ROR1: variants seen among roughly 807,000 people sequenced by gnomAD.
ROR1 encodes inactive tyrosine-protein kinase transmembrane receptor ROR1.
A neutral mutation model predicts 78.8 loss-of-function variants in ROR1; 19 were observed. That is an observed-to-expected ratio of 0.24 (90% CI 0.17 to 0.35). The LOEUF (loss-of-function observed/expected upper bound fraction) is 0.35. ROR1 is among the 10% of genes least tolerant of loss of function. ROR1 has a pLI of 1.00. For synonymous variants in ROR1, 386 were observed against 433.6 expected, an observed-to-expected ratio of 0.89 and a Z score of 1.36; for missense variants, 917 against 1,177.8, an observed-to-expected ratio of 0.78 and a Z score of 3.24.
intron 1 of ROR1, among the ~76,000 whole-genome samples, chr1:63,785,495 TA>T (rs1202128663): frequency 7.9e-6 from 1 of 127,024 alleles, no homozygotes. Context: ...TATATATATA[TA>T]TTTTATTTAT....
At chr1:64,116,399 A>G (rs559037140) in intron 4 of ROR1, among the ~76,000 whole-genome samples, 9 of 152,310 alleles carry the variant, frequency 5.9e-5, no homozygotes, top group Non-Finnish European at 8.8e-5. Flanking sequence ...AAGCTTTACT[A>G]CTTGGACTTT....
intron 1 of ROR1, among the ~76,000 whole-genome samples, chr1:64,006,016 T>C (rs779523105): frequency 1.3e-5 from 2 of 152,154 alleles, no homozygotes; most frequent in African/African-American, 4.8e-5. Flanking sequence ...CAGGGACACG[T>C]GGGGAACAAT....
intron 4 of ROR1, among the ~76,000 whole-genome samples, chr1:64,056,193 A>G (rs1347064849): frequency 6.6e-6 from 1 of 152,154 alleles, no homozygotes; most frequent in African/African-American, 2.4e-5. Flanking sequence ...ATATACCTAG[A>G]AATAGAATTC....
chr1:64,040,954 A>G (rs1287168521), intron 2 of ROR1, among the ~76,000 whole-genome samples: 1 of 152,284 alleles, frequency 6.6e-6, no homozygotes, highest in African/African-American at 2.4e-5. Context: ...AAAAATAAAG[A>G]CTGGTAAAAA....
At chr1:64,062,211 T>C (rs1248360617) in intron 4 of ROR1, among the ~76,000 whole-genome samples, 5 of 152,222 alleles carry the variant, frequency 3.3e-5, no homozygotes, top group East Asian at 1.9e-4. Flanking sequence ...TGACTGCCTG[T>C]GTTTTGAATT....
At chr1:64,088,420 G>A (rs1011378479) in intron 4 of ROR1, among the ~76,000 whole-genome samples, 3 of 152,026 alleles carry the variant, frequency 2.0e-5, no homozygotes, top group African/African-American at 7.2e-5. Context: ...TTCCACAAAT[G>A]TTTTCTAATA....
rs377033175 is a variant in ROR1, at chr1:63,799,494, G to C, written c.91+24986G>C. On this transcript the variant is annotated intron_variant, in intron 1 of 8. Transcript: ENST00000371079. ...GCCTGTCATAGTGTCTGTATGGCTG[G>C]TTGCTAATCACAGTGTATTTCAGGA... Among the ~76,000 whole-genome samples, 5 of 152,276 alleles carry C rather than the reference G, an allele frequency of 3.3e-5. No homozygotes were observed. The East Asian group carries it at 5.8e-4, about 18-fold the overall frequency.
chr1:63,919,575 C>A (rs1569910465), intron 1 of ROR1, among the ~76,000 whole-genome samples: 1 of 149,876 alleles, frequency 6.7e-6, no homozygotes, highest in South Asian at 2.1e-4. Context: ...GAAACTTACA[C>A]AGAGACAGCA....
chr1:64,177,344 A>G (rs1650409761), intron 8 of ROR1, 84 bp from the exon 9 acceptor site: 9 of 993,282 alleles, frequency 9.1e-6, no homozygotes, highest in East Asian at 4.8e-5. Flanking sequence ...ACCTTTTTCT[A>G]TATGCCCCGT....
chr1:63,862,253 G>A (rs1569833089), intron 1 of ROR1, among the ~76,000 whole-genome samples: 1 of 151,850 alleles, frequency 6.6e-6, no homozygotes, highest in Non-Finnish European at 1.5e-5. Context: ...AATTAGCCAG[G>A]TATGGTGGCA....
chr1:63,917,747 T>A (rs1182994051), intron 1 of ROR1, among the ~76,000 whole-genome samples: 1 of 152,128 alleles, frequency 6.6e-6, no homozygotes, highest in Non-Finnish European at 1.5e-5. Context: ...CCACAGGAAA[T>A]GACTGTGGTT....
intron 7 of ROR1, among the ~76,000 whole-genome samples, chr1:64,154,770 G>A (rs4556402): frequency 0.27 from 41,255 of 152,084 alleles, 5,876 homozygotes; most frequent in East Asian, 0.36. Context: ...TTAACTTGAT[G>A]TAACTAATAT....
chr1:63,815,121 T>A (rs1339812813), intron 1 of ROR1, among the ~76,000 whole-genome samples: 1 of 152,206 alleles, frequency 6.6e-6, no homozygotes, highest in African/African-American at 2.4e-5. Context: ...CACTATGATT[T>A]GTGGTTGGTC....
intron 1 of ROR1, among the ~76,000 whole-genome samples, chr1:63,820,301 C>T (rs1644916121): frequency 1.3e-5 from 2 of 152,188 alleles, no homozygotes; most frequent in South Asian, 2.1e-4. Context: ...ATTTTCTACA[C>T]ACTTGTTTGG....
At chr1:63,946,353 T>G (rs1187097674) in intron 1 of ROR1, among the ~76,000 whole-genome samples, 1 of 152,226 alleles carries the variant, frequency 6.6e-6, no homozygotes, top group Non-Finnish European at 1.5e-5. Context: ...CCCCAGCGTT[T>G]TTCCCCAATG....
intron 2 of ROR1, among the ~76,000 whole-genome samples, chr1:64,025,082 A>T (rs182112299): frequency 2.4e-4 from 36 of 152,222 alleles, no homozygotes; most frequent in African/African-American, 8.2e-4. Context: ...ATTCTCCAAG[A>T]TGATCAAAAC....
intron 1 of ROR1, among the ~76,000 whole-genome samples, chr1:63,999,612 T>A (rs1646366866): frequency 6.6e-6 from 1 of 152,214 alleles, no homozygotes; most frequent in Admixed American, 6.5e-5. Context: ...TGTCTCAATT[T>A]TGTTCACCAT....
intron 4 of ROR1, among the ~76,000 whole-genome samples, chr1:64,123,368 A>G (rs1648609883): frequency 6.6e-6 from 1 of 152,182 alleles, no homozygotes; most frequent in Non-Finnish European, 1.5e-5. Flanking sequence ...TGTCTTTGAC[A>G]TGTTGGATTT....
intron 4 of ROR1, among the ~76,000 whole-genome samples, chr1:64,083,259 G>T (rs900661777): frequency 6.6e-6 from 1 of 152,124 alleles, no homozygotes; most frequent in Non-Finnish European, 1.5e-5. Flanking sequence ...AGCTTTTTAG[G>T]AACAGGTGAT....
Sources: allele counts gnomAD v4.1 joint callset (sites outside exome capture counted in the v4.1 genomes callset), GRCh38; gene constraint gnomAD v4.1.1; transcripts MANE v1.5; gene names NCBI Gene and HGNC (gene_info 2026-07-23, HGNC 2026-07-21).